PDE4C: variants seen among roughly 807,000 people sequenced by gnomAD.
PDE4C encodes the protein phosphodiesterase 4C.
Under a neutral mutation model 63.9 loss-of-function variants are expected in PDE4C, and 50 were observed. That is an observed-to-expected ratio of 0.78 (90% CI 0.62 to 0.99). The LOEUF (loss-of-function observed/expected upper bound fraction) is 0.99, where lower values mean the gene tolerates loss of function less well. Ranked by LOEUF, PDE4C falls within the 50% of genes least tolerant of loss-of-function variation. The pLI, the probability that PDE4C is intolerant of heterozygous loss-of-function variation, is 0.00. For synonymous variants in PDE4C, 377 were observed against 385.1 expected, an observed-to-expected ratio of 0.98 and a Z score of 0.25; for missense variants, 777 against 899.1, an observed-to-expected ratio of 0.86 and a Z score of 1.74.
intron 1 of PDE4C, among the ~76,000 whole-genome samples, chr19:18,224,645 C>T (rs974827944): frequency 1.3e-5 from 2 of 152,224 alleles, no homozygotes; most frequent in Non-Finnish European, 2.9e-5. Flanking sequence ...ACGCTCGGGC[C>T]GGGTCGGGCA....
At chr19:18,222,361 T>C in intron 1 of PDE4C, 38 bp from the exon 2 acceptor site, 1 of 1,577,946 alleles carries the variant, frequency 6.3e-7, no homozygotes, top group South Asian at 1.1e-5. Context: ...ACGAGGGTCA[T>C]GACAACTGGG....
intron 11 of PDE4C, among the ~76,000 whole-genome samples, 187 bp downstream of exon 11, chr19:18,217,962 A>G (rs1968274584): frequency 6.6e-6 from 1 of 152,108 alleles, no homozygotes; most frequent in Non-Finnish European, 1.5e-5. Flanking sequence ...TTATTCTGTC[A>G]TTTGTTGGCA....
At chr19:18,215,755 C>T (rs1968163610) in intron 12 of PDE4C, among the ~76,000 whole-genome samples, 3 of 151,692 alleles carry the variant, frequency 2.0e-5, no homozygotes, top group African/African-American at 4.8e-5. Context: ...CCTCATGATC[C>T]GCCTGCCTCG....
exon 9 of PDE4C, chr19:18,219,003 C>T (rs757466260): frequency 3.7e-6 from 6 of 1,613,538 alleles, no homozygotes; most frequent in Non-Finnish European, 5.1e-6. Flanking sequence ...CCACCTTGAA[C>T]ACATCAAGTC....
intron 2 of PDE4C, among the ~76,000 whole-genome samples, chr19:18,221,761 A>G (rs760468786): frequency 6.6e-6 from 1 of 151,948 alleles, no homozygotes; most frequent in Non-Finnish European, 1.5e-5. Flanking sequence ...AGTAGCTGGG[A>G]CTACAGGCGC....
At chr19:18,222,543 C>G (rs1391538717) in intron 1 of PDE4C, among the ~76,000 whole-genome samples, 1 of 152,022 alleles carries the variant, frequency 6.6e-6, no homozygotes, top group African/African-American at 2.4e-5. Context: ...AGTTCCAGAT[C>G]TTCCTCAAAG....
chr19:18,228,143 A>G (rs1968781314), upstream of PDE4C, among the ~76,000 whole-genome samples: 1 of 151,950 alleles, frequency 6.6e-6, no homozygotes, highest in South Asian at 2.1e-4. Context: ...CCTTGTGGGG[A>G]CACTGGAGCC....
At chr19:18,218,215 G>C (rs1968288214) in exon 11 of PDE4C, 5 of 1,614,230 alleles carry the variant, frequency 3.1e-6, no homozygotes, top group Non-Finnish European at 4.2e-6. Flanking sequence ...CTTGCAAAGA[G>C]GGCAGCCAGG....
At chr19:18,241,255 G>GTTTTTTTTTTTTT (rs200717537) in intron 1 of PDE4C, among the ~76,000 whole-genome samples, 2 of 78,514 alleles carry the variant, frequency 2.5e-5, no homozygotes, top group African/African-American at 5.0e-5. Context: ...TTCTTCTCTT[G>GTTTTTTTTTTTTT]TTTTTTTTTT....
rs555794293 is a variant in PDE4C at position 18,210,690 on chromosome 19, C to T, written c.*239G>A. On this transcript the variant is annotated 3_prime_UTR_variant, in exon 15 of 15. Coordinates refer to ENST00000262805, the Ensembl canonical transcript of PDE4C. Reference sequence around the variant, plus strand: ...GAAGCCCAGGAGAAAGACACCAGGGCATCGTAAGAGGCTGCCCCTTAGAGA... The same window carrying T: ...GAAGCCCAGGAGAAAGACACCAGGGTATCGTAAGAGGCTGCCCCTTAGAGA... The T allele has an allele frequency of 6.6e-6, 3 of 455,030 alleles. No individual in the cohort carries two copies. The East Asian group carries it at 1.1e-4, about 17-fold the overall frequency. The allele number at this position is 455,030 out of a possible 1,614,324, so 28.2% of individuals were successfully genotyped here.
upstream of PDE4C, among the ~76,000 whole-genome samples, chr19:18,236,241 C>A (rs1299710040): frequency 6.6e-6 from 1 of 151,002 alleles, no homozygotes; most frequent in Non-Finnish European, 1.5e-5. Flanking sequence ...CTGCACCCGG[C>A]CTGTTTTTAT....
chr19:18,217,023 T>C, intron 11 of PDE4C, 128 bp from the exon 12 acceptor site: 1 of 1,020,340 alleles, frequency 9.8e-7, no homozygotes, highest in Admixed American at 2.8e-5. Context: ...CATGCCCTCC[T>C]GTAAGAAACC....
intron 1 of PDE4C, among the ~76,000 whole-genome samples, chr19:18,242,761 G>A (rs1342424247): frequency 1.3e-5 from 2 of 149,284 alleles, no homozygotes; most frequent in Non-Finnish European, 3.0e-5. Context: ...CTCTAGCCTG[G>A]GCCACAGAGC....
At chr19:18,211,360 G>A in intron 14 of PDE4C, 84 bp from the exon 15 acceptor site, 2 of 1,197,344 alleles carry the variant, frequency 1.7e-6, no homozygotes, top group Non-Finnish European at 2.3e-6. Context: ...CTTTAGCCAA[G>A]TTGTTCCCTC....
the PDE4C span, among the ~76,000 whole-genome samples, chr19:18,254,768 G>A: frequency 6.6e-6 from 1 of 152,170 alleles, no homozygotes; most frequent in Non-Finnish European, 1.5e-5. Flanking sequence ...CCTAGGCACT[G>A]TCTTATAGGA....
At chr19:18,219,267 C>T in exon 8 of PDE4C, 2 of 1,614,162 alleles carry the variant, frequency 1.2e-6, no homozygotes, top group Non-Finnish European at 1.7e-6. Context: ...CAGTCTGGAC[C>T]CCAAAGCGTG....
At chr19:18,245,755 G>C (rs1248848076) in intron 1 of PDE4C, among the ~76,000 whole-genome samples, 1 of 152,234 alleles carries the variant, frequency 6.6e-6, no homozygotes. Context: ...ATGTGGCTTG[G>C]CACACAGCGG....
At position 18,221,095 on chromosome 19, in the gene PDE4C, C is replaced by CCCCAACAAAAA; in HGVS notation, c.449+9_449+10insTTTTTGTTGGG. On this transcript the variant is annotated intron_variant, in intron 4 of 14. Coordinates refer to ENST00000262805, the Ensembl canonical transcript of PDE4C. ...GGCCCCGCCCCCGCCCCGCCCCGCC[C>CCCCAACAAAAA]TCTACCTACTTGGCTGCTCCTAGGC... The CCCCAACAAAAA allele has an allele frequency of 6.3e-7, 1 of 1,581,256 alleles. No individual in the cohort carries two copies. The highest frequency in any genetic ancestry group is 8.6e-7 in the Non-Finnish European group (1 of 1,168,332).
At chr19:18,210,035 T>C (rs1967859282), downstream of PDE4C, 1 of 152,104 alleles carries the variant, frequency 6.6e-6, no homozygotes, top group Admixed American at 6.6e-5. Context: ...TTTCTTTTTA[T>C]TTTTAGACAG....
Sources: allele counts gnomAD v4.1 joint callset (sites outside exome capture counted in the v4.1 genomes callset), GRCh38; gene constraint gnomAD v4.1.1; transcripts MANE v1.5; gene names NCBI Gene and HGNC (gene_info 2026-07-23, HGNC 2026-07-21).